Variants in IQSEC1 observed in about 807,000 individuals in gnomAD.
IQSEC1 encodes IQ motif and Sec7 domain ArfGEF 1, also known as IQ motif and SEC7 domain-containing protein 1.
Under a neutral mutation model 91.0 loss-of-function variants are expected in IQSEC1, and 31 were observed. The ratio of observed to expected loss-of-function variants is 0.34; its 90% CI spans 0.26 to 0.46. The LOEUF is 0.46. Among genes scored for constraint, IQSEC1 ranks in the 20% least tolerant of loss-of-function variants. The pLI is 1.00. For missense variants in IQSEC1, 1,388 were observed against 1,575.6 expected (o/e 0.88, Z 2.02); for synonymous variants, 699 against 662.6 (o/e 1.05, Z -0.84).
At chr3:13,160,619 G>A (rs574768929) in intron 2 of IQSEC1, among the ~76,000 whole-genome samples, 10 of 152,374 alleles carry the variant, frequency 6.6e-5, no homozygotes, top group African/African-American at 2.4e-4. Context: ...GGGTGTTGCG[G>A]GGGCAGTCTC....
chr3:13,235,059 G>C (rs1283083682), intron 1 of IQSEC1, among the ~76,000 whole-genome samples: 1 of 152,190 alleles, frequency 6.6e-6, no homozygotes, highest in Non-Finnish European at 1.5e-5. Context: ...AGCGAGGTGG[G>C]CTGGCTTCGT....
chr3:13,224,033 C>G (rs1260719872), intron 1 of IQSEC1, among the ~76,000 whole-genome samples: 1 of 152,140 alleles, frequency 6.6e-6, no homozygotes, highest in Non-Finnish European at 1.5e-5. Flanking sequence ...TGACCTTGAG[C>G]AAGTTGCTCA....
intron 1 of IQSEC1, among the ~76,000 whole-genome samples, chr3:13,059,132 G>A (rs1018874975): frequency 3.3e-5 from 5 of 151,984 alleles, no homozygotes; most frequent in Non-Finnish European, 5.9e-5. Flanking sequence ...TTCCACCCCC[G>A]ACCTCCAGAC....
chr3:12,981,880 A>C (rs1701481184), intron 1 of IQSEC1, among the ~76,000 whole-genome samples: 1 of 152,182 alleles, frequency 6.6e-6, no homozygotes, highest in Non-Finnish European at 1.5e-5. Context: ...CTGCACCCTG[A>C]GCACTTGCCT....
intron 1 of IQSEC1, among the ~76,000 whole-genome samples, chr3:12,993,019 C>T (rs937418812): frequency 6.6e-6 from 1 of 152,088 alleles, no homozygotes; most frequent in Non-Finnish European, 1.5e-5. Flanking sequence ...AAGACCCTGG[C>T]CCAGGAGTGT....
At chr3:13,110,595 C>A (rs943445341) in intron 2 of IQSEC1, among the ~76,000 whole-genome samples, 3 of 152,204 alleles carry the variant, frequency 2.0e-5, no homozygotes, top group African/African-American at 7.2e-5. Context: ...TTCAACCAAA[C>A]TGTCCTGACT....
intron 1 of IQSEC1, among the ~76,000 whole-genome samples, chr3:12,958,407 CTG>C (rs1351656207): frequency 6.6e-6 from 1 of 152,210 alleles, no homozygotes; most frequent in African/African-American, 2.4e-5. Context: ...CTTGGCCTCT[CTG>C]TGTCTGTTTC....
At chr3:13,106,109 A>G (rs1706147462) in intron 2 of IQSEC1, among the ~76,000 whole-genome samples, 1 of 152,154 alleles carries the variant, frequency 6.6e-6, no homozygotes, top group Non-Finnish European at 1.5e-5. Flanking sequence ...CCAGCTTCCC[A>G]GGCTGCCTGC....
chr3:12,903,033 TAA>T (rs1055187302), intron 12 of IQSEC1, among the ~76,000 whole-genome samples: 24 of 152,012 alleles, frequency 1.6e-4, no homozygotes, highest in Admixed American at 3.9e-4. Context: ...ATTTTAAAAA[TAA>T]AGTTTTCGAA....
At chr3:13,140,368 C>G (rs1706780495) in intron 2 of IQSEC1, among the ~76,000 whole-genome samples, 1 of 152,218 alleles carries the variant, frequency 6.6e-6, no homozygotes. Flanking sequence ...TCAAAGAAGC[C>G]TGAGCTACAT....
chr3:13,240,922 G>A (rs747015608), intron 1 of IQSEC1, among the ~76,000 whole-genome samples: 14 of 152,318 alleles, frequency 9.2e-5, no homozygotes, highest in Middle Eastern at 3.4e-3. Context: ...ATTTGTTAAC[G>A]TAGTTCTTGG....
chr3:12,957,485 T>G (rs1699983433), intron 1 of IQSEC1, among the ~76,000 whole-genome samples: 1 of 152,206 alleles, frequency 6.6e-6, no homozygotes, highest in African/African-American at 2.4e-5. Context: ...AGGCCTCTAG[T>G]TATTTCCATA....
At chr3:13,219,311 G>T (rs1308795259) in intron 1 of IQSEC1, among the ~76,000 whole-genome samples, 1 of 152,192 alleles carries the variant, frequency 6.6e-6, no homozygotes, top group Non-Finnish European at 1.5e-5. Flanking sequence ...TCCAGAACTG[G>T]CCCTTCACTG....
At chr3:13,041,306 A>G (rs1704257584) in intron 1 of IQSEC1, among the ~76,000 whole-genome samples, 1 of 151,988 alleles carries the variant, frequency 6.6e-6, no homozygotes, top group Non-Finnish European at 1.5e-5. Context: ...CACTAATCAG[A>G]CGCAGGACAG....
chr3:13,060,893 C>T (rs1705043364), intron 1 of IQSEC1, among the ~76,000 whole-genome samples: 1 of 151,794 alleles, frequency 6.6e-6, no homozygotes, highest in Admixed American at 6.6e-5. Flanking sequence ...CTAAATCCCA[C>T]CTCAGCCCAG....
chr3:12,954,161 A>T (rs1165157844), intron 1 of IQSEC1, among the ~76,000 whole-genome samples: 4 of 152,204 alleles, frequency 2.6e-5, no homozygotes, highest in Admixed American at 2.6e-4. Context: ...CCTCGCTCCC[A>T]AACATAAAGA....
chr3:12,995,458 A>T (rs1359829328), intron 1 of IQSEC1, among the ~76,000 whole-genome samples: 2 of 152,222 alleles, frequency 1.3e-5, no homozygotes, highest in East Asian at 3.8e-4. Flanking sequence ...CTGGAGGAGG[A>T]TTATTCATTT....
At chr3:12,982,158 C>A (rs1322957918) in intron 1 of IQSEC1, among the ~76,000 whole-genome samples, 1 of 152,198 alleles carries the variant, frequency 6.6e-6, no homozygotes. Flanking sequence ...AAATCCCCCC[C>A]ATTCTCTTTT....
Position 13,220,896 on chromosome 3 carries a change from C to T in IQSEC1, c.273-56763G>A, listed in dbSNP as rs528063034. On this transcript the variant is annotated intron_variant, in intron 1 of 15. Transcript: ENST00000648114. ...GCTGCCAAACTCCTGTTTCTATTGA[C>T]AGCTACCAGCCACCGGGCCACTTCA... Among the ~76,000 whole-genome samples, 4 of 152,354 alleles carry T rather than the reference C, an allele frequency of 2.6e-5. No individual in the cohort carries two copies. In the East Asian group the frequency reaches 7.7e-4, roughly 29 times the overall value.
Sources: allele counts gnomAD v4.1 joint callset (sites outside exome capture counted in the v4.1 genomes callset), GRCh38; gene constraint gnomAD v4.1.1; transcripts MANE v1.5; gene names NCBI Gene and HGNC (gene_info 2026-07-23, HGNC 2026-07-21).